Variants in CNTN1 observed in about 807,000 individuals in gnomAD.
CNTN1 encodes the protein contactin 1.
CNTN1 carries 38 observed loss-of-function variants against 126.4 expected under a neutral mutation model. The observed-to-expected ratio is 0.30, with a 90% CI of 0.23 to 0.39. CNTN1 has a LOEUF of 0.39. Among genes scored for constraint, CNTN1 ranks in the 10% least tolerant of loss-of-function variants. The pLI is 1.00. For synonymous variants in CNTN1, 413 were observed against 422.6 expected, an observed-to-expected ratio of 0.98 and a Z score of 0.28; for missense variants, 1,009 against 1,248.4, an observed-to-expected ratio of 0.81 and a Z score of 2.89.
rs753320947 is a variant in CNTN1, at chr12:41,070,026, G to A, written c.3048G>A (p.Leu1016=). 6.2e-7 allele frequency: 1 copy of A among 1,613,864 alleles called. No individual in the cohort carries two copies. Residue 1016 remains leucine (L), a synonymous_variant, in exon 24 of 24, where the codon TTG becomes TTA. Coordinates refer to ENST00000551295, the MANE Select transcript of CNTN1 (RefSeq NM_001843.4). The part of the protein sequence containing the change: ...LLPAFGILVY[L]EF ...CTGCCTTTGGCATCCTTGTCTACTT[G>A]GAATTCTGAATGTGTTGTGACAGCT...
At chr12:40,876,066 G>A (rs1312601231) in intron 1 of CNTN1, among the ~76,000 whole-genome samples, 1 of 150,412 alleles carries the variant, frequency 6.6e-6, no homozygotes, top group East Asian at 1.9e-4. Flanking sequence ...ATTTTGATAT[G>A]AATATTATTT....
chr12:41,030,070 A>G (rs1949116934), intron 23 of CNTN1, among the ~76,000 whole-genome samples: 2 of 152,074 alleles, frequency 1.3e-5, no homozygotes, highest in South Asian at 2.1e-4. Context: ...ATGATAATAA[A>G]TAATTTATAA....
chr12:40,932,017 T>A (rs1002400815), intron 7 of CNTN1, among the ~76,000 whole-genome samples: 2 of 151,978 alleles, frequency 1.3e-5, no homozygotes, highest in African/African-American at 2.4e-5. Context: ...TTTTTGGACC[T>A]CTGAGACTGT....
intron 1 of CNTN1, among the ~76,000 whole-genome samples, chr12:40,717,548 A>G (rs1942079342): frequency 6.6e-6 from 1 of 152,214 alleles, no homozygotes; most frequent in African/African-American, 2.4e-5. Context: ...AAATAAGTGA[A>G]TTTGTGCTCA....
intron 23 of CNTN1, among the ~76,000 whole-genome samples, chr12:41,034,898 G>A (rs761087304): frequency 3.6e-4 from 55 of 152,176 alleles, no homozygotes; most frequent in Non-Finnish European, 1.5e-4. Flanking sequence ...GCAACTCATA[G>A]CCTTGATGAT....
chr12:40,844,861 AT>A (rs1248026565), intron 1 of CNTN1, among the ~76,000 whole-genome samples: 1 of 152,178 alleles, frequency 6.6e-6, no homozygotes, highest in Non-Finnish European at 1.5e-5. Flanking sequence ...TGTGAATTAC[AT>A]TTTTAGTTTG....
At chr12:40,739,205 T>G (rs1484589499) in intron 1 of CNTN1, among the ~76,000 whole-genome samples, 1 of 152,044 alleles carries the variant, frequency 6.6e-6, no homozygotes, top group Non-Finnish European at 1.5e-5. Context: ...GCATATTAAT[T>G]TTAATCTTGT....
intron 20 of CNTN1, among the ~76,000 whole-genome samples, chr12:41,022,319 G>A (rs1592418634): frequency 6.6e-6 from 1 of 152,292 alleles, no homozygotes; most frequent in Non-Finnish European, 1.5e-5. Context: ...GGAAAAGTAT[G>A]TACCATGAGG....
At chr12:40,869,762 T>C (rs187760576) in intron 1 of CNTN1, among the ~76,000 whole-genome samples, 48 of 152,298 alleles carry the variant, frequency 3.2e-4, no homozygotes, top group Non-Finnish European at 5.4e-4. Flanking sequence ...AAATGAACTA[T>C]TAGAACCACT....
At chr12:40,850,261 T>C (rs1337302129) in intron 1 of CNTN1, among the ~76,000 whole-genome samples, 1 of 152,142 alleles carries the variant, frequency 6.6e-6, no homozygotes, top group African/African-American at 2.4e-5. Flanking sequence ...TCATTTTACA[T>C]TTTTCTAAAG....
intron 23 of CNTN1, among the ~76,000 whole-genome samples, chr12:41,032,276 G>A (rs1592432930): frequency 6.6e-6 from 1 of 151,872 alleles, no homozygotes; most frequent in African/African-American, 2.4e-5. Context: ...ATGGCTCACA[G>A]GGAATGGTGT....
chr12:40,881,555 T>A (rs536171138), intron 1 of CNTN1, among the ~76,000 whole-genome samples: 1 of 151,998 alleles, frequency 6.6e-6, no homozygotes, highest in Admixed American at 6.6e-5. Context: ...AGAAATACAT[T>A]TAATAAATAT....
chr12:40,766,814 A>G (rs1314481931), intron 1 of CNTN1, among the ~76,000 whole-genome samples: 3 of 152,208 alleles, frequency 2.0e-5, no homozygotes, highest in Admixed American at 2.0e-4. Flanking sequence ...GAGGTCAGGC[A>G]AGGTTGTGAC....
chr12:40,774,712 T>C (rs915542139), intron 1 of CNTN1, among the ~76,000 whole-genome samples: 1 of 151,592 alleles, frequency 6.6e-6, no homozygotes, highest in African/African-American at 2.4e-5. Flanking sequence ...TATTATTGAA[T>C]CTTCTTGCAC....
intron 23 of CNTN1, among the ~76,000 whole-genome samples, chr12:41,064,362 A>C (rs1189848328): frequency 6.6e-6 from 1 of 152,172 alleles, no homozygotes; most frequent in Non-Finnish European, 1.5e-5. Flanking sequence ...CTGGAGCTGG[A>C]AGCTAGACTC....
At chr12:40,738,313 T>C (rs976231080) in intron 1 of CNTN1, among the ~76,000 whole-genome samples, 2 of 152,054 alleles carry the variant, frequency 1.3e-5, no homozygotes, top group Admixed American at 6.6e-5. Flanking sequence ...GGAAAATTGC[T>C]GTTTTATTTT....
chr12:40,989,686 A>G (rs1419612994), intron 16 of CNTN1, among the ~76,000 whole-genome samples: 1 of 152,212 alleles, frequency 6.6e-6, no homozygotes, highest in African/African-American at 2.4e-5. Flanking sequence ...ATATATTTTA[A>G]GCAAAAATGT....
rs779551448 is a variant in CNTN1 at position 40,944,070 on chromosome 12, C to T, written c.1583C>T (p.Ala528Val). Residue 528 changes from alanine to valine, a missense_variant, in exon 14 of 24, where the codon GCG becomes GTG. By Grantham distance (64) the Ala-to-Val change is moderately conservative. Coordinates refer to ENST00000551295, the MANE Select transcript of CNTN1 (RefSeq NM_001843.4). ...GAAAACGCCACCATGCAGTGTGCTG[C>T]GTCCTTTGATCCTGCCTTGGATCTC... The part of the protein sequence containing the change: ...VGENATMQCA[A>V]SFDPALDLTF... 12 of 1,613,492 alleles carry T rather than the reference C, an allele frequency of 7.4e-6. No individual in the cohort carries two copies. The highest frequency in any genetic ancestry group is 1.6e-4 in the Middle Eastern group (1 of 6,062).
At chr12:41,024,649 G>T (rs1207681016) in intron 20 of CNTN1, among the ~76,000 whole-genome samples, 1 of 152,046 alleles carries the variant, frequency 6.6e-6, no homozygotes, top group African/African-American at 2.4e-5. Flanking sequence ...TCTGAAAGGA[G>T]GCAGAAGAAA....
Sources: allele counts gnomAD v4.1 joint callset (sites outside exome capture counted in the v4.1 genomes callset), GRCh38; gene constraint gnomAD v4.1.1; transcripts MANE v1.5; gene names NCBI Gene and HGNC (gene_info 2026-07-23, HGNC 2026-07-21).